FARP1: variants seen among roughly 807,000 people sequenced by gnomAD.
FARP1 encodes the protein FERM, ARHGEF and pleckstrin domain-containing protein 1.
In FARP1, 52 loss-of-function variants were observed where a neutral mutation model predicts 128.8. That is an observed-to-expected ratio of 0.40 (90% CI 0.32 to 0.51). The LOEUF is 0.51. Among genes scored for constraint, FARP1 ranks in the 20% least tolerant of loss-of-function variants. The pLI is 0.45. For synonymous variants in FARP1, 580 were observed against 551.8 expected (o/e 1.05, Z -0.72); for missense variants, 1,333 against 1,367.9 (o/e 0.97, Z 0.40).
chr13:98,326,460 C>T (rs1459145514), intron 2 of FARP1, among the ~76,000 whole-genome samples: 1 of 152,180 alleles, frequency 6.6e-6, no homozygotes, highest in Non-Finnish European at 1.5e-5. Context: ...CAACAACTTC[C>T]CATTTCCCCC....
chr13:98,338,109 G>T (rs1374841024), intron 2 of FARP1, among the ~76,000 whole-genome samples: 2 of 152,154 alleles, frequency 1.3e-5, no homozygotes, highest in Non-Finnish European at 2.9e-5. Context: ...TCTCCCGTCT[G>T]CATTTTTTAA....
In FARP1 at chr13:98,448,393, G is replaced by T; in HGVS notation, c.*76G>T. Reference sequence around the variant, plus strand: ...CTTTCTTCTGTATTAATGAAGCCTGGTAAAATTAACACCTGTCTGAAAATC... The same window carrying T: ...CTTTCTTCTGTATTAATGAAGCCTGTTAAAATTAACACCTGTCTGAAAATC... On this transcript the variant is annotated 3_prime_UTR_variant, in exon 27 of 27. Coordinates refer to ENST00000319562, the MANE Select transcript of FARP1 (RefSeq NM_005766.4). 1 of 1,180,012 alleles carries T rather than the reference G, an allele frequency of 8.5e-7. No individual in the cohort carries two copies. The allele number at this position is 1,180,012 out of a possible 1,614,324, so 73.1% of individuals were successfully genotyped here.
chr13:98,387,022 C>T (rs1209522923), intron 8 of FARP1, among the ~76,000 whole-genome samples: 3 of 152,114 alleles, frequency 2.0e-5, no homozygotes, highest in East Asian at 1.9e-4. Flanking sequence ...AACAATAGGC[C>T]GGGCGCGGTC....
At chr13:98,351,737 C>T (rs780635474) in intron 3 of FARP1, among the ~76,000 whole-genome samples, 56 of 152,002 alleles carry the variant, frequency 3.7e-4, no homozygotes, top group Middle Eastern at 3.4e-3. Context: ...TAGGAACAGG[C>T]GTGTCATGCT....
In FARP1 at chr13:98,449,652, C is replaced by T. The variant is rs1224857061; in HGVS notation, c.*1335C>T. On this transcript the variant is annotated 3_prime_UTR_variant, in exon 27 of 27. Coordinates refer to ENST00000319562, the MANE Select transcript of FARP1 (RefSeq NM_005766.4). ...CAGCAACTTGCAAACGGACGAAGAG[C>T]CTGCCGTGTGTTAATCATTTGCCTT... The T allele has an allele frequency of 2.0e-5, 3 of 152,602 alleles. No individual in the cohort carries two copies. The highest frequency in any genetic ancestry group is 2.0e-4 in the Admixed American group (3 of 15,280). The allele number at this position is 152,602 out of a possible 1,614,324, so 9.5% of individuals were successfully genotyped here.
chr13:98,319,801 C>A (rs9582211), intron 2 of FARP1, among the ~76,000 whole-genome samples: 1 of 152,046 alleles, frequency 6.6e-6, no homozygotes, highest in Non-Finnish European at 1.5e-5. Context: ...AAACCAAGTC[C>A]AGTCTTTATC....
intron 2 of FARP1, chr13:98,341,085 G>C (rs1887953553): frequency 6.6e-6 from 1 of 151,766 alleles, no homozygotes; most frequent in Non-Finnish European, 1.5e-5. Context: ...CATCTGTGCA[G>C]AATGTGTATC....
At chr13:98,428,500 T>A (rs1338366179) in intron 17 of FARP1, among the ~76,000 whole-genome samples, 2 of 152,142 alleles carry the variant, frequency 1.3e-5, no homozygotes, top group Non-Finnish European at 2.9e-5. Flanking sequence ...TCCAACCCAC[T>A]ACTTATATGA....
intron 3 of FARP1, among the ~76,000 whole-genome samples, chr13:98,344,257 T>C (rs909149130): frequency 5.3e-5 from 8 of 152,002 alleles, no homozygotes; most frequent in African/African-American, 1.9e-4. Context: ...ATGAGTCTGG[T>C]TGGAGATGGT....
At chr13:98,425,690 C>T (rs929421759) in intron 17 of FARP1, among the ~76,000 whole-genome samples, 4 of 152,024 alleles carry the variant, frequency 2.6e-5, no homozygotes, top group South Asian at 2.1e-4. Flanking sequence ...CACCCCTGGT[C>T]GCAAATATGT....
intron 2 of FARP1, among the ~76,000 whole-genome samples, chr13:98,251,236 A>G (rs1883307290): frequency 6.6e-6 from 1 of 152,208 alleles, no homozygotes; most frequent in Non-Finnish European, 1.5e-5. Flanking sequence ...AGGCTCAAAC[A>G]GGTGCTTTGT....
At chr13:98,202,235 A>G (rs1283499508) in intron 1 of FARP1, among the ~76,000 whole-genome samples, 1 of 152,188 alleles carries the variant, frequency 6.6e-6, no homozygotes. Flanking sequence ...CTTCCGGCTC[A>G]TAAGAGCAGA....
In FARP1 at chr13:98,395,300, A is replaced by T; in HGVS notation, c.1238A>T (p.Lys413Met). The change falls in exon 13 of 27, where the codon AAG becomes ATG. Residue 413 changes from lysine (K) to methionine (M), a missense_variant. Physicochemically the swap from Lys to Met is moderately conservative, Grantham distance 95. This residue lies in a region of FARP1 where 1,009 missense variants were observed against 969.8 expected (regional missense o/e 1.04). Coordinates refer to ENST00000319562, the MANE Select transcript of FARP1 (RefSeq NM_005766.4). The stretch of plus-strand genomic sequence containing the variant: ...GGGGGCCAGAGCTGCCGGCGAGGAA[A>T]GGAACCGAAGGTTTCCGCCGGGGAG... The part of the protein sequence containing the change: ...SPGGQSCRRG[K>M]EPKVSAGEPG... 6.2e-7 allele frequency: 1 copy of T among 1,609,636 alleles called. No individual in the cohort carries two copies. Among genetic ancestry groups the T allele is most frequent in the South Asian group, 1.1e-5 (1 of 91,000 alleles).
intron 9 of FARP1, among the ~76,000 whole-genome samples, chr13:98,389,185 C>T (rs187339438): frequency 6.6e-6 from 1 of 152,242 alleles, no homozygotes; most frequent in East Asian, 1.9e-4. Context: ...AAGCATATAC[C>T]CATTTTAAAT....
chr13:98,267,272 A>G (rs1470617557), intron 2 of FARP1, among the ~76,000 whole-genome samples: 3 of 152,154 alleles, frequency 2.0e-5, no homozygotes, highest in Admixed American at 2.0e-4. Flanking sequence ...CCTGCTTCAC[A>G]GTAACTGCTT....
At chr13:98,231,063 C>G (rs986286435) in intron 2 of FARP1, among the ~76,000 whole-genome samples, 1 of 152,066 alleles carries the variant, frequency 6.6e-6, no homozygotes, top group Non-Finnish European at 1.5e-5. Context: ...ACTGCCCCCC[C>G]CATAATTCAG....
chr13:98,441,438 T>G (rs1405326609), intron 24 of FARP1, among the ~76,000 whole-genome samples: 3 of 152,242 alleles, frequency 2.0e-5, no homozygotes, highest in African/African-American at 7.2e-5. Context: ...TATGCTTCGC[T>G]TCCGTGAAGA....
At position 98,176,389 on chromosome 13, in the gene FARP1, T is replaced by C; in HGVS notation, c.-24+32897T>C. On this transcript the variant is annotated intron_variant, in intron 1 of 26. Transcript: ENST00000319562. The surrounding 1 kb of genome is among the most constrained non-coding windows in gnomAD (Gnocchi z 6.2). ...GTAGCAGCGCGGGGTGGCCCGGAAGTGCTCCAGCGCGCAGCTCTCGCAGAA... is the reference window on the plus strand; with the variant it reads ...GTAGCAGCGCGGGGTGGCCCGGAAGCGCTCCAGCGCGCAGCTCTCGCAGAA... 6.2e-7 allele frequency: 1 copy of C among 1,614,210 alleles called. No individual in the cohort carries two copies.
At chr13:98,183,722 G>A (rs1878679476) in intron 1 of FARP1, among the ~76,000 whole-genome samples, 1 of 152,110 alleles carries the variant, frequency 6.6e-6, no homozygotes, top group Non-Finnish European at 1.5e-5. Context: ...ACTGGTGTGG[G>A]GTATGCTGAG....
Sources: gnomAD v4.1 joint callset for allele counts (sites outside exome capture counted in the v4.1 genomes callset) on GRCh38, gnomAD v4.1.1 for gene constraint, gnomAD v4.1.1 regional missense constraint, Gnocchi (gnomAD v3.1) non-coding constraint, MANE v1.5 for transcripts, NCBI Gene and HGNC (gene_info 2026-07-23, HGNC 2026-07-21) for gene names.